The following MROH2B variants were observed in gnomAD, a reference collection of about 807,000 sequenced individuals.
MROH2B encodes maestro heat-like repeat-containing protein family member 2B.
Under a neutral mutation model 208.6 loss-of-function variants are expected in MROH2B, and 177 were observed. That is an observed-to-expected ratio of 0.85 (90% CI 0.75 to 0.96). MROH2B has a LOEUF of 0.96. Among genes scored for constraint, MROH2B ranks in the 40% least tolerant of loss-of-function variants. MROH2B has a pLI of 0.00. For synonymous variants in MROH2B, 728 were observed against 659.0 expected (o/e 1.10, Z -1.60); for missense variants, 2,002 against 1,878.7 (o/e 1.07, Z -1.21).
At chr5:41,021,648 T>A (rs1210380710) in intron 24 of MROH2B, among the ~76,000 whole-genome samples, 1 of 152,016 alleles carries the variant, frequency 6.6e-6, no homozygotes, top group East Asian at 1.9e-4. Flanking sequence ...GAGGCTGAGG[T>A]GGGCTGAGAG....
In MROH2B at chr5:41,048,318, T is replaced by G. The variant is rs770880102; in HGVS notation, c.1684+6A>C. The G allele has an allele frequency of 1.9e-6, 3 of 1,611,310 alleles. No individual in the cohort carries two copies. Among genetic ancestry groups the G allele is most frequent in the Non-Finnish European group, 1.7e-6 (2 of 1,178,690 alleles). On this transcript the variant is annotated splice_donor_region_variant and intron_variant, in intron 16 of 41. Coordinates refer to ENST00000399564, the MANE Select transcript of MROH2B (RefSeq NM_173489.5). ...TGGGTAAAGACCTGGCCCCAATCCC[T>G]TGTACCTTCCAGAGGCTGCAGAAGC...
At chr5:41,047,586 C>T in intron 17 of MROH2B, 135 bp downstream of exon 17, 1 of 778,292 alleles carries the variant, frequency 1.3e-6, no homozygotes, top group Non-Finnish European at 2.1e-6. Context: ...TCACTTCTAA[C>T]ATTCTAATTC....
At chr5:41,046,708 A>G (rs1427223022) in intron 17 of MROH2B, among the ~76,000 whole-genome samples, 1 of 152,182 alleles carries the variant, frequency 6.6e-6, no homozygotes, top group African/African-American at 2.4e-5. Context: ...ACTGTTGTCA[A>G]GACTTCCTAC....
At chr5:40,999,329 T>C (rs149152176) in intron 40 of MROH2B, among the ~76,000 whole-genome samples, 2 of 152,242 alleles carry the variant, frequency 1.3e-5, no homozygotes, top group African/African-American at 4.8e-5. Context: ...TGAGTATGGG[T>C]TATCTTATGG....
chr5:41,067,152 G>A lies in MROH2B; in HGVS notation c.157C>T (p.Gln53Ter), dbSNP rs1413809074. The A allele has an allele frequency of 6.4e-7, 1 of 1,555,718 alleles. No homozygotes were observed. The highest frequency in any genetic ancestry group is 8.7e-7 in the Non-Finnish European group (1 of 1,148,372). Residue 53 changes from glutamine to a stop codon, truncating the protein, a stop_gained, in exon 3 of 42, where the codon CAA becomes TAA. Transcript: ENST00000399564. LOFTEE classifies it high-confidence loss of function. ...NTDILDDAIV[Q>*]RLIYYASKDM... ...TTAGAAGCATAATAAATCAATCGTT[G>A]GACAATTGCATCATCCAAGATGTCA...
intron 24 of MROH2B, among the ~76,000 whole-genome samples, chr5:41,023,972 C>A (rs1429418716): frequency 6.6e-6 from 1 of 152,146 alleles, no homozygotes; most frequent in African/African-American, 2.4e-5. Flanking sequence ...CCTTTCCAGA[C>A]AAGCAAATGC....
chr5:41,005,655 G>A lies in MROH2B; in HGVS notation c.3750-10C>T. 6.3e-7 allele frequency: 1 copy of A among 1,585,140 alleles called. No homozygotes were observed. The highest frequency in any genetic ancestry group is 8.6e-7 in the Non-Finnish European group (1 of 1,159,094). ...CCACACTGCCATGCTCCTAGAAAAT[G>A]CACATTTTAGCAGAGACATATTTTA... is the stretch of plus-strand genomic sequence containing the variant. On this transcript the variant is annotated splice_polypyrimidine_tract_variant and intron_variant, in intron 34 of 41. Coordinates refer to ENST00000399564, the MANE Select transcript of MROH2B (RefSeq NM_173489.5).
rs776291632 is a variant in MROH2B at position 41,005,419 on chromosome 5, C to A, written c.3864+112G>T. The A allele has an allele frequency of 9.1e-5, 18 of 198,728 alleles. 4 individuals are homozygous for A. Among genetic ancestry groups the A allele is most frequent in the Non-Finnish European group, 1.4e-4 (14 of 97,906 alleles). 12.3% of individuals were successfully genotyped at this position (198,728 alleles called of 1,614,324 possible). On this transcript the variant is annotated intron_variant, in intron 35 of 41. Coordinates refer to ENST00000399564, the MANE Select transcript of MROH2B (RefSeq NM_173489.5). ...CTGGTCTCTCCTCTATGAAACCCCC[C>A]CCCCCCTTGAAGTCTCTCTTCCCTG...
In MROH2B at chr5:41,007,410, C is replaced by T. The variant is rs1741631627; in HGVS notation, c.3653G>A (p.Arg1218Lys). Residue 1218 changes from arginine to lysine, a missense_variant, in exon 34 of 42, where the codon AGA (arginine) becomes AAA (lysine). Transcript: ENST00000399564. ...TLKCLQAQAM[R>K]EGLAKESDEG... Reference sequence around the variant, plus strand: ...ATCAGATTCCTTTGCAAGGCCTTCTCTCATGGCTTGGGCTTGCAAACATTT... The same window carrying T: ...ATCAGATTCCTTTGCAAGGCCTTCTTTCATGGCTTGGGCTTGCAAACATTT... The T allele has an allele frequency of 6.4e-7, 1 of 1,573,932 alleles. No homozygotes were observed. Among genetic ancestry groups the T allele is most frequent in the Admixed American group, 1.8e-5 (1 of 54,100 alleles).
intron 28 of MROH2B, among the ~76,000 whole-genome samples, chr5:41,016,045 T>C (rs1215245483): frequency 6.6e-6 from 1 of 151,748 alleles, no homozygotes; most frequent in Non-Finnish European, 1.5e-5. Flanking sequence ...AACTAACACA[T>C]GAACCATTCT....
chr5:41,055,549 G>A (rs142015582), intron 10 of MROH2B, among the ~76,000 whole-genome samples, 193 bp downstream of exon 10: 12 of 150,718 alleles, frequency 8.0e-5, no homozygotes, highest in East Asian at 5.9e-4. Context: ...TAAATGTTAC[G>A]AAAGAAGAGA....
intron 24 of MROH2B, among the ~76,000 whole-genome samples, chr5:41,029,932 G>A (rs1742508042): frequency 6.6e-6 from 1 of 151,768 alleles, no homozygotes; most frequent in African/African-American, 2.4e-5. Context: ...ACCTGCACAT[G>A]TACTCCCAAA....
intron 37 of MROH2B, among the ~76,000 whole-genome samples, chr5:41,003,592 G>C (rs1704852046): frequency 6.6e-6 from 1 of 152,114 alleles, no homozygotes; most frequent in Admixed American, 6.6e-5. Context: ...TTAATGAGCA[G>C]AAAAATTAGG....
Position 41,038,869 on chromosome 5 carries a change from T to C in MROH2B, c.2081A>G (p.Lys694Arg), listed in dbSNP as rs1056032831. ...CATGACATCTGTCTTGGTCAGGCTC[T>C]TTTTCCCAGAAAAAAGGCTCTGAAG... ...NRCKSLFSGK[K>R]SLTKTDVMVI... Residue 694 changes from lysine (K) to arginine (R), a missense_variant, in exon 21 of 42, where the codon AAG becomes AGG. Transcript: ENST00000399564. 2 of 1,605,924 alleles carry C rather than the reference T, an allele frequency of 1.2e-6. No individual in the cohort carries two copies. The highest frequency in any genetic ancestry group is 1.7e-6 in the Non-Finnish European group (2 of 1,176,880).
In MROH2B at chr5:41,038,809, T is replaced by C; in HGVS notation, c.2141A>G (p.Lys714Arg). Reference sequence around the variant, plus strand: ...ATTAAGTCTGGAGAGAAGTTGCTTCTTGGGAGCATGGAGGGCCACTGCTCC... The same window carrying C: ...ATTAAGTCTGGAGAGAAGTTGCTTCCTGGGAGCATGGAGGGCCACTGCTCC... The part of the protein sequence containing the change: ...IYGAVALHAP[K>R]KQLLSRLNQD... The change falls in exon 21 of 42, where the codon AAG becomes AGG. Residue 714 changes from lysine to arginine, a missense_variant. Lys to Arg is a conservative substitution (Grantham distance 26). Coordinates refer to ENST00000399564, the MANE Select transcript of MROH2B (RefSeq NM_173489.5). The C allele has an allele frequency of 6.2e-7, 1 of 1,613,682 alleles. No individual in the cohort carries two copies. Among genetic ancestry groups the C allele is most frequent in the Non-Finnish European group, 8.5e-7 (1 of 1,179,714 alleles).
chr5:41,037,892 G>C (rs903424942), intron 21 of MROH2B, among the ~76,000 whole-genome samples: 5 of 152,150 alleles, frequency 3.3e-5, no homozygotes, highest in African/African-American at 1.2e-4. Flanking sequence ...TGGCCAGCCT[G>C]GTATTTGTCA....
chr5:41,010,146 A>G (rs1741729983), intron 30 of MROH2B, 67 bp from the exon 31 acceptor site: 1 of 1,493,860 alleles, frequency 6.7e-7, no homozygotes, highest in African/African-American at 1.4e-5. Flanking sequence ...GACTCAGAAC[A>G]GGTATCTGTC....
In MROH2B at chr5:41,000,757, A is replaced by G. The variant is rs79746752; in HGVS notation, c.4271T>C (p.Ile1424Thr). ...CTTTTTTATTTCTTCAGCAAAAAAAATCTTCCACCTTCTTCCTGTTAGGGG... is the reference window on the plus strand; with the variant it reads ...CTTTTTTATTTCTTCAGCAAAAAAAGTCTTCCACCTTCTTCCTGTTAGGGG... Reference protein sequence around the residue: ...LAPLTGRRWKIFFAEEIKKSL... With the variant: ...LAPLTGRRWKTFFAEEIKKSL... Residue 1424 changes from isoleucine to threonine, a missense_variant, in exon 38 of 42, where the codon ATT (isoleucine) becomes ACT (threonine). Ile to Thr is a moderately conservative substitution (Grantham distance 89). Coordinates refer to ENST00000399564, the MANE Select transcript of MROH2B (RefSeq NM_173489.5). The G allele has an allele frequency of 5.6e-6, 9 of 1,611,436 alleles. No homozygotes were observed. The highest frequency in any genetic ancestry group is 2.7e-5 in the African/African-American group (2 of 74,872).
chr5:41,023,276 G>A (rs13189472), intron 24 of MROH2B, among the ~76,000 whole-genome samples: 115,660 of 151,752 alleles, frequency 0.76, 44,439 homozygotes, highest in Non-Finnish European at 0.81. Context: ...CCCATCGCAA[G>A]GAAGCTAAAA....
Sources: gnomAD v4.1 joint callset for allele counts (sites outside exome capture counted in the v4.1 genomes callset) on GRCh38, gnomAD v4.1.1 for gene constraint, MANE v1.5 for transcripts, NCBI Gene and HGNC (gene_info 2026-07-23, HGNC 2026-07-21) for gene names.